The following VRK2 variants were observed in gnomAD, a reference collection of about 807,000 sequenced individuals.
VRK2 encodes the protein serine/threonine-protein kinase VRK2.
Under a neutral mutation model 57.6 loss-of-function variants are expected in VRK2, and 60 were observed. The ratio of observed to expected loss-of-function variants is 1.04; its 90% CI spans 0.85 to 1.29. The LOEUF is 1.29. VRK2 is among the 50% of genes most tolerant of loss of function. The pLI, the probability that VRK2 is intolerant of heterozygous loss-of-function variation, is 0.00. For missense variants in VRK2, 705 were observed against 588.1 expected, an observed-to-expected ratio of 1.20 and a Z score of -2.06; for synonymous variants, 231 against 199.2, an observed-to-expected ratio of 1.16 and a Z score of -1.35.
intron 1 of VRK2, among the ~76,000 whole-genome samples, chr2:57,994,975 G>A (rs1672882112): frequency 6.6e-6 from 1 of 152,082 alleles, no homozygotes; most frequent in South Asian, 2.1e-4. Flanking sequence ...TCTTCCCTGT[G>A]ATTAAAAATA....
chr2:57,966,215 C>T (rs932669597), intron 1 of VRK2, among the ~76,000 whole-genome samples: 3 of 152,146 alleles, frequency 2.0e-5, no homozygotes, highest in Non-Finnish European at 4.4e-5. Context: ...CCTCCCAAGG[C>T]CCATGGGCAT....
At chr2:58,136,833 TATC>T (rs1680120057) in intron 10 of VRK2, among the ~76,000 whole-genome samples, 1 of 140,622 alleles carries the variant, frequency 7.1e-6, no homozygotes, top group African/African-American at 2.7e-5. Flanking sequence ...TGTGTATATA[TATC>T]ATATATATTA....
chr2:58,051,679 T>A (rs1194627225), intron 2 of VRK2, among the ~76,000 whole-genome samples: 1 of 152,230 alleles, frequency 6.6e-6, no homozygotes, highest in African/African-American at 2.4e-5. Flanking sequence ...CTAGCTGCTC[T>A]GTCTAGCTCA....
At chr2:58,142,742 A>G (rs1681524166) in intron 11 of VRK2, among the ~76,000 whole-genome samples, 1 of 151,916 alleles carries the variant, frequency 6.6e-6, no homozygotes, top group African/African-American at 2.4e-5. Flanking sequence ...CCAAGATGGA[A>G]AACAGCGTTA....
intron 2 of VRK2, among the ~76,000 whole-genome samples, chr2:58,053,469 G>A (rs190894521): frequency 6.6e-6 from 1 of 152,024 alleles, no homozygotes; most frequent in African/African-American, 2.4e-5. Context: ...TTTTGTTGGC[G>A]GATAGGTTTT....
At chr2:58,133,451 CATAATCATAATTTATTCAACTTGCTG>C (rs1679509504) in intron 9 of VRK2, among the ~76,000 whole-genome samples, 1 of 152,082 alleles carries the variant, frequency 6.6e-6, no homozygotes, top group African/African-American at 2.4e-5. Flanking sequence ...GTACATAATA[CATAATCATAATTTATTCAACTTGCTG>C]AGAAGGTATG....
intron 12 of VRK2, among the ~76,000 whole-genome samples, chr2:58,155,918 TTTG>T (rs1210327584): frequency 8.4e-6 from 1 of 119,534 alleles, no homozygotes; most frequent in Non-Finnish European, 1.7e-5. Context: ...GTTTTTCATG[TTTG>T]TTTTTTTTTT....
intron 2 of VRK2, among the ~76,000 whole-genome samples, chr2:58,080,975 G>A (rs1448642207): frequency 2.0e-5 from 3 of 151,836 alleles, no homozygotes; most frequent in Non-Finnish European, 4.4e-5. Flanking sequence ...ACCTGATTTA[G>A]ATCTAATACC....
intron 1 of VRK2, among the ~76,000 whole-genome samples, chr2:57,933,660 G>GT (rs1356337465): frequency 3.8e-5 from 3 of 78,798 alleles, no homozygotes; most frequent in Non-Finnish European, 7.0e-5. Context: ...GAGTTTTTGG[G>GT]TTGTTTTTTT....
chr2:58,132,141 T>C, intron 9 of VRK2: 1 of 537,130 alleles, frequency 1.9e-6, no homozygotes, highest in East Asian at 3.5e-5. Context: ...TGAATTACAG[T>C]GCAAAATATA....
intron 2 of VRK2, among the ~76,000 whole-genome samples, chr2:58,025,962 G>T (rs1246190360): frequency 6.6e-6 from 1 of 151,912 alleles, no homozygotes. Flanking sequence ...AATATATAAT[G>T]GTCTCTGTGA....
chr2:58,043,345 A>G (rs1379159334), upstream of VRK2, among the ~76,000 whole-genome samples: 1 of 152,202 alleles, frequency 6.6e-6, no homozygotes, highest in Non-Finnish European at 1.5e-5. Context: ...TAATTTATAT[A>G]TAATTCAATT....
At chr2:57,931,116 G>A (rs997438515) in intron 1 of VRK2, among the ~76,000 whole-genome samples, 1 of 152,060 alleles carries the variant, frequency 6.6e-6, no homozygotes, top group African/African-American at 2.4e-5. Context: ...GGGAATGTGG[G>A]TATCTTTTCA....
At chr2:58,149,328 A>G (rs1342430513) in intron 12 of VRK2, among the ~76,000 whole-genome samples, 2 of 151,894 alleles carry the variant, frequency 1.3e-5, no homozygotes, top group Non-Finnish European at 1.5e-5. Flanking sequence ...ATATAGAAAT[A>G]GAATTTATTT....
At chr2:57,927,725 G>C (rs1670586206) in intron 1 of VRK2, among the ~76,000 whole-genome samples, 1 of 152,092 alleles carries the variant, frequency 6.6e-6, no homozygotes, top group Admixed American at 6.5e-5. Context: ...GGACAGGTCT[G>C]GTGTTGATGA....
chr2:57,998,105 G>A (rs1672981777), intron 1 of VRK2, among the ~76,000 whole-genome samples: 1 of 152,142 alleles, frequency 6.6e-6, no homozygotes, highest in Non-Finnish European at 1.5e-5. Context: ...AGTAATAACT[G>A]AAGGAAATAA....
intron 5 of VRK2, among the ~76,000 whole-genome samples, chr2:58,087,669 T>G (rs536978818): frequency 2.2e-4 from 34 of 152,206 alleles, no homozygotes; most frequent in Middle Eastern, 3.4e-3. Context: ...ACGGTATATA[T>G]GATCTTATCA....
At chr2:58,001,919 T>C (rs1349302731) in intron 1 of VRK2, among the ~76,000 whole-genome samples, 1 of 152,156 alleles carries the variant, frequency 6.6e-6, no homozygotes, top group Non-Finnish European at 1.5e-5. Flanking sequence ...ATCTACAATA[T>C]TCCAGGGACT....
At chr2:58,019,679 T>C (rs182517630) in intron 1 of VRK2, among the ~76,000 whole-genome samples, 68 of 152,360 alleles carry the variant, frequency 4.5e-4, no homozygotes, top group Middle Eastern at 3.4e-3. Flanking sequence ...ACCTGTGTGA[T>C]ATTATTCACC....
Sources: allele counts gnomAD v4.1 joint callset (sites outside exome capture counted in the v4.1 genomes callset), GRCh38; gene constraint gnomAD v4.1.1; transcripts MANE v1.5; gene names NCBI Gene and HGNC (gene_info 2026-07-23, HGNC 2026-07-21).